The following RERG variants were observed in gnomAD, a reference collection of about 807,000 sequenced individuals.
The protein encoded by RERG is RAS like estrogen regulated growth inhibitor, also known as ras-related and estrogen-regulated growth inhibitor.
RERG carries 25 observed loss-of-function variants against 23.2 expected under a neutral mutation model. The ratio of observed to expected loss-of-function variants is 1.08; its 90% CI spans 0.79 to 1.50. The LOEUF is 1.50. Ranked by LOEUF, RERG falls within the 40% of genes most tolerant of loss-of-function variation. RERG has a pLI of 0.00. For synonymous variants in RERG, 81 were observed against 89.1 expected, an observed-to-expected ratio of 0.91 and a Z score of 0.51; for missense variants, 253 against 250.1, an observed-to-expected ratio of 1.01 and a Z score of -0.08.
At chr12:15,192,786 CTTT>C (rs1865089759) in intron 2 of RERG, among the ~76,000 whole-genome samples, 1 of 152,248 alleles carries the variant, frequency 6.6e-6, no homozygotes, top group Non-Finnish European at 1.5e-5. Context: ...GACCTTAACA[CTTT>C]TAAAGAGTAC....
At chr12:15,117,610 G>A (rs769881637) in intron 3 of RERG, among the ~76,000 whole-genome samples, 2 of 151,778 alleles carry the variant, frequency 1.3e-5, no homozygotes, top group Non-Finnish European at 2.9e-5. Context: ...GGTAACAGTC[G>A]CAGTAGTGAT....
intron 2 of RERG, among the ~76,000 whole-genome samples, chr12:15,198,640 T>A (rs1382805510): frequency 1.3e-5 from 2 of 152,166 alleles, no homozygotes; most frequent in Non-Finnish European, 2.9e-5. Context: ...ATCATAGAGT[T>A]CTGTAGATTA....
At chr12:15,117,503 C>T (rs1273468808) in intron 3 of RERG, among the ~76,000 whole-genome samples, 2 of 152,086 alleles carry the variant, frequency 1.3e-5, no homozygotes. Context: ...GCAAGAAGAA[C>T]CAATCACAGA....
rs773015683 is a variant in RERG at position 15,217,517 on chromosome 12, T to C, written c.-28A>G. ...TGGGTGTTGGTAGACAATTTACTGTTGTTAAAACTAAAGCACTGAGTAAAT... is the reference window on the plus strand; with the variant it reads ...TGGGTGTTGGTAGACAATTTACTGTCGTTAAAACTAAAGCACTGAGTAAAT... On this transcript the variant is annotated 5_prime_UTR_variant, in exon 2 of 5. Transcript: ENST00000256953. 14 of 1,531,752 alleles carry C rather than the reference T, an allele frequency of 9.1e-6. No homozygotes were observed. The highest frequency in any genetic ancestry group is 1.3e-5 in the Non-Finnish European group (14 of 1,105,132). The allele number at this position is 1,531,752 out of a possible 1,614,324, so 94.9% of individuals were successfully genotyped here.
intron 2 of RERG, among the ~76,000 whole-genome samples, chr12:15,121,935 A>G (rs761294500): frequency 2.0e-4 from 30 of 152,200 alleles, no homozygotes; most frequent in Non-Finnish European, 4.1e-4. Flanking sequence ...AAAAGCATGG[A>G]AATATGTGGA....
chr12:15,141,980 T>G (rs924851736), intron 2 of RERG, among the ~76,000 whole-genome samples: 1 of 152,244 alleles, frequency 6.6e-6, no homozygotes, highest in Non-Finnish European at 1.5e-5. Flanking sequence ...GGTCTAGAAG[T>G]AGAACTCAAT....
intron 2 of RERG, among the ~76,000 whole-genome samples, chr12:15,138,523 C>T (rs1045328993): frequency 6.6e-6 from 1 of 152,052 alleles, no homozygotes; most frequent in Non-Finnish European, 1.5e-5. Flanking sequence ...CTTTTATAGA[C>T]ATTTTAATAT....
chr12:15,194,797 C>T (rs1865120275), intron 2 of RERG, among the ~76,000 whole-genome samples: 1 of 152,056 alleles, frequency 6.6e-6, no homozygotes, highest in Non-Finnish European at 1.5e-5. Flanking sequence ...CCACTGAGAA[C>T]TTAATGAAAT....
At chr12:15,163,588 C>T (rs928220528) in intron 2 of RERG, among the ~76,000 whole-genome samples, 3 of 152,176 alleles carry the variant, frequency 2.0e-5, no homozygotes, top group Non-Finnish European at 4.4e-5. Flanking sequence ...AGAAACCACT[C>T]TACGTCTTTC....
At chr12:15,134,675 T>C (rs2080480) in intron 2 of RERG, among the ~76,000 whole-genome samples, 100,870 of 151,944 alleles carry the variant, frequency 0.66, 33,607 homozygotes, top group Admixed American at 0.75. Context: ...AGTGCAGTGG[T>C]GTGATCTTGA....
chr12:15,217,795 G>T, intron 1 of RERG, 192 bp from the exon 2 acceptor site: 1 of 271,600 alleles, frequency 3.7e-6, no homozygotes, highest in African/African-American at 2.2e-5. Flanking sequence ...TCAGGACTTG[G>T]ATTTGGATCT....
intron 1 of RERG, 114 bp from the exon 2 acceptor site, chr12:15,217,717 C>G: frequency 8.1e-6 from 4 of 491,902 alleles, no homozygotes; most frequent in Non-Finnish European, 1.5e-5. Flanking sequence ...CTGGTTTGAT[C>G]TTTACCACTA....
At chr12:15,121,243 AAAAC>A (rs1189706440) in intron 2 of RERG, 124 bp from the exon 3 acceptor site, 1 of 667,750 alleles carries the variant, frequency 1.5e-6, no homozygotes, top group East Asian at 2.8e-5. Flanking sequence ...CTTGATATAT[AAAAC>A]AAATAAATTT....
intron 2 of RERG, among the ~76,000 whole-genome samples, chr12:15,199,358 T>C (rs1165405483): frequency 1.3e-5 from 2 of 152,148 alleles, no homozygotes; most frequent in African/African-American, 4.8e-5. Flanking sequence ...TTATCAAAAG[T>C]GCCATGAGTG....
intron 2 of RERG, among the ~76,000 whole-genome samples, chr12:15,166,901 G>A (rs1426802360): frequency 6.6e-6 from 1 of 150,918 alleles, no homozygotes; most frequent in Non-Finnish European, 1.5e-5. Context: ...TGCACATTGT[G>A]CAGGTTAGTT....
At chr12:15,118,076 C>T (rs1240703074) in intron 3 of RERG, among the ~76,000 whole-genome samples, 1 of 152,078 alleles carries the variant, frequency 6.6e-6, no homozygotes, top group Admixed American at 6.5e-5. Context: ...TCGAAACACT[C>T]GGATGTTAAA....
At chr12:15,175,165 G>GTT (rs796515123) in intron 2 of RERG, among the ~76,000 whole-genome samples, 48 of 140,300 alleles carry the variant, frequency 3.4e-4, no homozygotes, top group African/African-American at 1.2e-3. Flanking sequence ...TGTATTTGTT[G>GTT]TTTTTTTTTT....
intron 2 of RERG, among the ~76,000 whole-genome samples, chr12:15,177,744 A>G (rs912409652): frequency 6.6e-6 from 1 of 151,916 alleles, no homozygotes; most frequent in Non-Finnish European, 1.5e-5. Context: ...AGACCAAAAC[A>G]TTGTTTTGAC....
chr12:15,211,202 T>G (rs746578959), intron 2 of RERG, among the ~76,000 whole-genome samples: 3 of 152,020 alleles, frequency 2.0e-5, no homozygotes, highest in Non-Finnish European at 4.4e-5. Flanking sequence ...CCATGTTCAC[T>G]GCAGAATTTT....
Sources: allele counts gnomAD v4.1 joint callset (sites outside exome capture counted in the v4.1 genomes callset), GRCh38; gene constraint gnomAD v4.1.1; transcripts MANE v1.5; gene names NCBI Gene and HGNC (gene_info 2026-07-23, HGNC 2026-07-21).